Variants in MEOX2 observed in about 807,000 individuals in gnomAD.
The protein encoded by MEOX2 is homeobox protein MOX-2.
MEOX2 carries 11 observed loss-of-function variants against 27.0 expected under a neutral mutation model. That is an observed-to-expected ratio of 0.41 (90% CI 0.26 to 0.68). The LOEUF is 0.68. Among genes scored for constraint, MEOX2 ranks in the 30% least tolerant of loss-of-function variants. MEOX2 has a pLI of 0.33. For missense variants in MEOX2, 436 were observed against 385.4 expected, an observed-to-expected ratio of 1.13 and a Z score of -1.10; for synonymous variants, 189 against 155.4, an observed-to-expected ratio of 1.22 and a Z score of -1.61.
chr7:15,670,805 G>A (rs1032488959), intron 1 of MEOX2, among the ~76,000 whole-genome samples: 5 of 152,098 alleles, frequency 3.3e-5, no homozygotes, highest in African/African-American at 1.2e-4. Context: ...CTCTCCAGGT[G>A]CAGAAAAAGA....
At chr7:15,663,468 G>T (rs915755929) in intron 1 of MEOX2, among the ~76,000 whole-genome samples, 9 of 151,282 alleles carry the variant, frequency 5.9e-5, no homozygotes, top group African/African-American at 1.9e-4. Context: ...GAGTAGTTGG[G>T]GTTACAGGCG....
At chr7:15,676,981 A>C (rs773223289) in intron 1 of MEOX2, among the ~76,000 whole-genome samples, 3 of 152,188 alleles carry the variant, frequency 2.0e-5, no homozygotes, top group Non-Finnish European at 4.4e-5. Context: ...GAGAGGTCCA[A>C]GTAAAAGAGG....
chr7:15,642,549 TC>T, intron 1 of MEOX2, among the ~76,000 whole-genome samples: 1 of 152,308 alleles, frequency 6.6e-6, no homozygotes, highest in South Asian at 2.1e-4. Flanking sequence ...ATTTTCAACT[TC>T]CTTTTGGATC....
At chr7:15,646,455 T>C (rs947333647) in intron 1 of MEOX2, among the ~76,000 whole-genome samples, 3 of 152,054 alleles carry the variant, frequency 2.0e-5, no homozygotes, top group Non-Finnish European at 4.4e-5. Context: ...AGGGAGATCC[T>C]CTTTGTAACA....
At chr7:15,645,145 G>C (rs575356206) in intron 1 of MEOX2, among the ~76,000 whole-genome samples, 3 of 152,282 alleles carry the variant, frequency 2.0e-5, no homozygotes, top group African/African-American at 7.2e-5. Flanking sequence ...TATTCTAAAA[G>C]CTCATCTATA....
At chr7:15,659,348 G>T (rs1462202115) in intron 1 of MEOX2, among the ~76,000 whole-genome samples, 1 of 152,072 alleles carries the variant, frequency 6.6e-6, no homozygotes, top group Non-Finnish European at 1.5e-5. Context: ...GGAATTAGTG[G>T]TAGTAAAAAA....
At chr7:15,680,301 T>C (rs905229323) in intron 1 of MEOX2, 2 of 151,920 alleles carry the variant, frequency 1.3e-5, no homozygotes, top group Non-Finnish European at 2.9e-5. Context: ...TAAAATACTA[T>C]CTAGTACAAC....
chr7:15,619,274 A>T (rs960973036), intron 2 of MEOX2, among the ~76,000 whole-genome samples: 11 of 152,042 alleles, frequency 7.2e-5, no homozygotes, highest in Non-Finnish European at 1.6e-4. Flanking sequence ...ATGCAAGAAT[A>T]GTGTAGAAAA....
chr7:15,653,538 T>A (rs755391374), intron 1 of MEOX2, among the ~76,000 whole-genome samples: 1 of 151,984 alleles, frequency 6.6e-6, no homozygotes, highest in South Asian at 2.1e-4. Context: ...ATGTCAAGTC[T>A]AACAACTCTT....
intron 1 of MEOX2, among the ~76,000 whole-genome samples, chr7:15,662,487 G>C (rs1781933025): frequency 6.6e-6 from 1 of 151,924 alleles, no homozygotes; most frequent in African/African-American, 2.4e-5. Flanking sequence ...CAGCAGAACA[G>C]AACTTTTGAA....
intron 1 of MEOX2, among the ~76,000 whole-genome samples, chr7:15,652,460 C>T (rs1781746609): frequency 6.6e-6 from 1 of 151,884 alleles, no homozygotes; most frequent in Non-Finnish European, 1.5e-5. Context: ...ATTTTGAAAG[C>T]AGCAATAACA....
chr7:15,675,618 G>A (rs59555958), intron 1 of MEOX2, among the ~76,000 whole-genome samples: 1 of 152,130 alleles, frequency 6.6e-6, no homozygotes, highest in Non-Finnish European at 1.5e-5. Flanking sequence ...CCCTCATCTA[G>A]GAAATACATT....
chr7:15,664,289 G>A lies in MEOX2; in HGVS notation c.517+21597C>T, dbSNP rs189843961. On this transcript the variant is annotated intron_variant, in intron 1 of 2. Coordinates refer to ENST00000262041, the MANE Select transcript of MEOX2 (RefSeq NM_005924.5). ...TGTTTCTTCCCTTTGTGTTGTATTT[G>A]CTTTTTGATCTTTCTAGTTGTTGTG... is the stretch of plus-strand genomic sequence containing the variant. 1.5e-4 allele frequency among the ~76,000 whole-genome samples: 23 copies of A among 152,216 alleles called. No homozygotes were observed. In the East Asian group the frequency reaches 3.9e-3, roughly 26 times the overall value.
At position 15,611,443 on chromosome 7, in the gene MEOX2, A is replaced by C. The variant is rs1781028737; in HGVS notation, c.*944T>G. 6.5e-6 allele frequency: 1 copy of C among 152,672 alleles called. No homozygotes were observed. The highest frequency in any genetic ancestry group is 1.5e-5 in the Non-Finnish European group (1 of 68,048). The allele number at this position is 152,672 out of a possible 1,614,324, so 9.5% of individuals were successfully genotyped here. A position where few individuals can be genotyped will look rare whatever the true frequency, so the allele number is the denominator to read the frequency against. ...TTCTTGTTAATTAAATCATATTCAT[A>C]CAGCTAATATTTTACAGAAATAAAA... is the stretch of plus-strand genomic sequence containing the variant. On this transcript the variant is annotated 3_prime_UTR_variant, in exon 3 of 3. Transcript: ENST00000262041.
At position 15,686,199 on chromosome 7, in the gene MEOX2, G is replaced by A; in HGVS notation, c.204C>T (p.His68=). 2 of 1,444,748 alleles carry A rather than the reference G, an allele frequency of 1.4e-6. No homozygotes were observed. The highest frequency in any genetic ancestry group is 1.9e-6 in the Non-Finnish European group (2 of 1,044,748). 89.5% of individuals were successfully genotyped at this position (1,444,748 alleles called of 1,614,324 possible). A position where few individuals can be genotyped will look rare whatever the true frequency, so the allele number is the denominator to read the frequency against. ...GMFASQHHRG[H]HHHHHHHHHH... Reference sequence around the variant, plus strand: ...GGTGGTGGTGGTGGTGGTGGTGGTGGTGCCCCCTGTGATGCTGGCTGGCAA... The same window carrying A: ...GGTGGTGGTGGTGGTGGTGGTGGTGATGCCCCCTGTGATGCTGGCTGGCAA... Residue 68 remains histidine, a synonymous_variant, in exon 1 of 3, where the codon CAC becomes CAT. Coordinates refer to ENST00000262041, the MANE Select transcript of MEOX2 (RefSeq NM_005924.5).
chr7:15,621,089 A>T (rs1487018518), intron 2 of MEOX2, among the ~76,000 whole-genome samples: 2 of 152,228 alleles, frequency 1.3e-5, no homozygotes, highest in Non-Finnish European at 2.9e-5. Context: ...AGCTTGTCCA[A>T]ATTAAAAATA....
chr7:15,623,811 A>T (rs1248409766), intron 2 of MEOX2, among the ~76,000 whole-genome samples: 1 of 152,260 alleles, frequency 6.6e-6, no homozygotes, highest in Non-Finnish European at 1.5e-5. Context: ...CTCTCCTGTG[A>T]CATTCTACAC....
At chr7:15,634,869 G>T (rs1781457687) in intron 1 of MEOX2, among the ~76,000 whole-genome samples, 1 of 151,896 alleles carries the variant, frequency 6.6e-6, no homozygotes, top group Admixed American at 6.6e-5. Flanking sequence ...AACTTCAGAG[G>T]ATTATCCACA....
intron 1 of MEOX2, chr7:15,667,958 A>C (rs1386718810): frequency 6.6e-6 from 1 of 152,234 alleles, no homozygotes; most frequent in Non-Finnish European, 1.5e-5. Flanking sequence ...GGACACAGTT[A>C]AACAACAGAT....
Sources: allele counts gnomAD v4.1 joint callset (sites outside exome capture counted in the v4.1 genomes callset), GRCh38; gene constraint gnomAD v4.1.1; transcripts MANE v1.5; gene names NCBI Gene and HGNC (gene_info 2026-07-23, HGNC 2026-07-21).